The following GLI2 variants were observed in gnomAD, a reference collection of about 807,000 sequenced individuals.
GLI2 encodes the protein transcription activator GLI2.
A neutral mutation model predicts 78.9 loss-of-function variants in GLI2; 22 were observed. The ratio of observed to expected loss-of-function variants is 0.28; its 90% confidence interval spans 0.20 to 0.40. The LOEUF (loss-of-function observed/expected upper bound fraction) is 0.40. GLI2 is among the 10% of genes least tolerant of loss of function. The pLI is 1.00. For missense variants in GLI2, 2,097 were observed against 2,213.2 expected, an observed-to-expected ratio of 0.95 and a Z score of 1.05; for synonymous variants, 974 against 963.7, an observed-to-expected ratio of 1.01 and a Z score of -0.20.
intron 2 of GLI2, among the ~76,000 whole-genome samples, chr2:120,898,904 A>G (rs991449362): frequency 6.6e-6 from 1 of 152,186 alleles, no homozygotes; most frequent in African/African-American, 2.4e-5. Context: ...TGCTGGTGCT[A>G]AGACTTTTCT....
chr2:120,862,209 G>A (rs1165286535), intron 2 of GLI2, among the ~76,000 whole-genome samples: 1 of 152,240 alleles, frequency 6.6e-6, no homozygotes, highest in African/African-American at 2.4e-5. Flanking sequence ...GTCTATGCAG[G>A]AGGGCTTCCA....
chr2:120,746,781 T>C (rs1682704811), intron 1 of GLI2, among the ~76,000 whole-genome samples: 1 of 152,220 alleles, frequency 6.6e-6, no homozygotes, highest in Admixed American at 6.5e-5. Flanking sequence ...GAAATTTGGT[T>C]AAATTTCCTG....
In GLI2 at chr2:120,737,058, A is replaced by G. The variant is rs1682386153; in HGVS notation, c.-31+773A>G. On this transcript the variant is annotated intron_variant, in intron 1 of 13. Transcript: ENST00000361492. This position sits in a 1 kb window ranked among gnomAD's most constrained non-coding sequence, Gnocchi z 4.3. Reference sequence around the variant, plus strand: ...CCCCCGACAATCTCTCAACAAGTATATTTGCTGAGGAATTTGAAAAATCCA... The same window carrying G: ...CCCCCGACAATCTCTCAACAAGTATGTTTGCTGAGGAATTTGAAAAATCCA... Among the ~76,000 whole-genome samples, 1 of 151,876 alleles carries G rather than the reference A, an allele frequency of 6.6e-6. No homozygotes were observed. The highest frequency in any genetic ancestry group is 2.4e-5 in the African/African-American group (1 of 41,356).
At chr2:120,845,001 G>C (rs372326437) in intron 2 of GLI2, among the ~76,000 whole-genome samples, 1 of 152,142 alleles carries the variant, frequency 6.6e-6, no homozygotes, top group South Asian at 2.1e-4. Flanking sequence ...AGCTGGGCAC[G>C]GTGGCTCATA....
chr2:120,787,331 T>C (rs1281055801), intron 1 of GLI2, among the ~76,000 whole-genome samples: 1 of 152,232 alleles, frequency 6.6e-6, no homozygotes, highest in Non-Finnish European at 1.5e-5. Flanking sequence ...CTGTGCGCAC[T>C]CACTGCCTTC....
intron 2 of GLI2, among the ~76,000 whole-genome samples, chr2:120,852,567 A>G (rs1270453599): frequency 6.6e-6 from 1 of 152,182 alleles, no homozygotes; most frequent in Non-Finnish European, 1.5e-5. Flanking sequence ...TTCCAGAGGC[A>G]GGGCCGCCTG....
intron 2 of GLI2, among the ~76,000 whole-genome samples, chr2:120,849,447 A>T (rs1687298047): frequency 6.6e-6 from 1 of 151,868 alleles, no homozygotes; most frequent in South Asian, 2.1e-4. Context: ...AATAGTGATG[A>T]TGATGATGAT....
intron 2 of GLI2, among the ~76,000 whole-genome samples, chr2:120,849,706 T>C (rs1687310360): frequency 6.6e-6 from 1 of 152,180 alleles, no homozygotes; most frequent in African/African-American, 2.4e-5. Flanking sequence ...ACCCAGGGTT[T>C]AAGTGACATC....
intron 2 of GLI2, among the ~76,000 whole-genome samples, chr2:120,919,319 C>G (rs996855427): frequency 2.6e-5 from 4 of 152,248 alleles, no homozygotes; most frequent in African/African-American, 7.2e-5. Flanking sequence ...TCAAAAAGCC[C>G]TTCTCCAGTC....
chr2:120,847,925 G>T (rs1198782292), intron 2 of GLI2, among the ~76,000 whole-genome samples: 1 of 152,102 alleles, frequency 6.6e-6, no homozygotes, highest in Non-Finnish European at 1.5e-5. Context: ...GTGGGGAGGG[G>T]GTGCAGCAGA....
intron 1 of GLI2, among the ~76,000 whole-genome samples, chr2:120,760,313 C>A (rs1289411419): frequency 1.3e-5 from 2 of 152,128 alleles, no homozygotes; most frequent in African/African-American, 4.8e-5. Flanking sequence ...GTGGAGTGGT[C>A]TTATGTGGGG....
intron 1 of GLI2, among the ~76,000 whole-genome samples, chr2:120,763,759 C>T (rs1296557823): frequency 3.9e-5 from 6 of 152,220 alleles, no homozygotes; most frequent in African/African-American, 9.6e-5. Flanking sequence ...TTCTCAGGAC[C>T]GCTTTGCTGA....
intron 2 of GLI2, among the ~76,000 whole-genome samples, chr2:120,825,909 C>T (rs1454331196): frequency 6.6e-6 from 1 of 152,238 alleles, no homozygotes; most frequent in African/African-American, 2.4e-5. Flanking sequence ...CGCAGATGGC[C>T]TTGCACAAGC....
chr2:120,783,782 G>T (rs956901493), intron 1 of GLI2, among the ~76,000 whole-genome samples: 12 of 152,116 alleles, frequency 7.9e-5, no homozygotes, highest in Non-Finnish European at 1.5e-4. Context: ...TAAGAGAAGG[G>T]AACTTTTTAT....
chr2:120,913,191 G>A (rs1038164247), intron 2 of GLI2, among the ~76,000 whole-genome samples: 1 of 152,172 alleles, frequency 6.6e-6, no homozygotes, highest in Non-Finnish European at 1.5e-5. Context: ...TGAAGCAGTG[G>A]AAAGTCAATA....
intron 2 of GLI2, among the ~76,000 whole-genome samples, chr2:120,861,744 G>C (rs1687914855): frequency 6.6e-6 from 1 of 152,196 alleles, no homozygotes; most frequent in South Asian, 2.1e-4. Flanking sequence ...TAACCTGCCG[G>C]TCCTGAGGCT....
In GLI2 at chr2:120,793,848, G is replaced by A. The variant is rs1034158548; in HGVS notation, c.-30-3443G>A. On this transcript the variant is annotated intron_variant, in intron 1 of 13. Transcript: ENST00000361492. ...TGAGGTGTCAGGAGGCATTTTGGCT[G>A]GAGGATCTGACTGTAGGCCTGGCCC... is the stretch of plus-strand genomic sequence containing the variant. Among the ~76,000 whole-genome samples, 20 of 152,184 alleles carry A rather than the reference G, an allele frequency of 1.3e-4. 1 individual carries two copies. Among genetic ancestry groups the A allele is most frequent in the Non-Finnish European group, 1.5e-5 (1 of 68,030 alleles).
chr2:120,938,325 G>C (rs1680292905), intron 3 of GLI2, among the ~76,000 whole-genome samples: 1 of 152,168 alleles, frequency 6.6e-6, no homozygotes, highest in Non-Finnish European at 1.5e-5. Context: ...ACGTCTCCCT[G>C]ATAATCCCCT....
chr2:120,766,392 G>T (rs548060442), intron 1 of GLI2, among the ~76,000 whole-genome samples: 2 of 152,246 alleles, frequency 1.3e-5, no homozygotes, highest in Admixed American at 6.5e-5. Flanking sequence ...CTCCCCACCT[G>T]TGGAGGGAAG....
Sources: allele counts gnomAD v4.1 joint callset (sites outside exome capture counted in the v4.1 genomes callset), GRCh38; gene constraint gnomAD v4.1.1; non-coding constraint Gnocchi (gnomAD v3.1); transcripts MANE v1.5; gene names NCBI Gene and HGNC (gene_info 2026-07-23, HGNC 2026-07-21).